The following ZNF827 variants were observed in gnomAD, a reference collection of about 807,000 sequenced individuals.
ZNF827 encodes zinc finger protein 827.
A neutral mutation model predicts 102.4 loss-of-function variants in ZNF827; 13 were observed. The ratio of observed to expected loss-of-function variants is 0.13; its 90% CI spans 0.08 to 0.20. The LOEUF (loss-of-function observed/expected upper bound fraction) is 0.20, where lower values mean the gene tolerates loss of function less well. ZNF827 is among the 10% of genes least tolerant of loss of function. The probability of loss-of-function intolerance (pLI) is 1.00; values close to 1 mark genes in which losing one functional copy is unlikely to be tolerated. For synonymous variants in ZNF827, 523 were observed against 536.2 expected (o/e 0.98, Z 0.34); for missense variants, 1,103 against 1,344.4 (o/e 0.82, Z 2.81).
At chr4:145,796,364 G>C (rs1253785915) in intron 8 of ZNF827, among the ~76,000 whole-genome samples, 1 of 152,206 alleles carries the variant, frequency 6.6e-6, no homozygotes, top group East Asian at 1.9e-4. Context: ...GGAAGGGTGA[G>C]AGTTTGGGGT....
chr4:145,938,748 G>A lies in ZNF827; in HGVS notation c.-341C>T. The A allele has an allele frequency of 3.8e-6, 1 of 263,376 alleles. No individual in the cohort carries two copies. The highest frequency in any genetic ancestry group is 7.3e-6 in the Non-Finnish European group (1 of 137,428). 16.3% of individuals were successfully genotyped at this position (263,376 alleles called of 1,614,324 possible). ...TCCTATGCTCGCGTGTGTGATGGGAGGTATAAATAAATGAGTGCCGGTGCG... is the reference window on the plus strand; with the variant it reads ...TCCTATGCTCGCGTGTGTGATGGGAAGTATAAATAAATGAGTGCCGGTGCG... On this transcript the variant is annotated 5_prime_UTR_variant, in exon 1 of 15. Transcript: ENST00000508784.
intron 11 of ZNF827, among the ~76,000 whole-genome samples, chr4:145,773,445 A>C (rs1366162718): frequency 3.3e-5 from 5 of 152,174 alleles, no homozygotes; most frequent in Non-Finnish European, 7.3e-5. Flanking sequence ...CACAACTGTC[A>C]GGGAAATTCC....
rs1393827912 is a variant in ZNF827 at position 145,849,372 on chromosome 4, C to T, written c.2171G>A (p.Ser724Asn). ...AGCCATTTTCACAGAGATATCCTGA[C>T]TGAAGAGGTTTCTCTCTGGGGGTAC... is the stretch of plus-strand genomic sequence containing the variant. Reference protein sequence around the residue: ...GRVPPERNLFSQDISVKMASE... With the variant: ...GRVPPERNLFNQDISVKMASE... Residue 724 changes from serine (S) to asparagine (N), a missense_variant, in exon 6 of 15, where the codon AGT (serine) becomes AAT (asparagine). Physicochemically the swap from Ser to Asn is conservative, Grantham distance 46. Transcript: ENST00000508784. The T allele has an allele frequency of 6.2e-7, 1 of 1,614,004 alleles. No homozygotes were observed. Among genetic ancestry groups the T allele is most frequent in the East Asian group, 2.2e-5 (1 of 44,890 alleles).
intron 1 of ZNF827, among the ~76,000 whole-genome samples, chr4:145,938,111 C>A: frequency 6.9e-6 from 1 of 144,994 alleles, no homozygotes; most frequent in Non-Finnish European, 1.5e-5. Context: ...AGCCCGATCT[C>A]AAGGAAAAAA....
intron 7 of ZNF827, among the ~76,000 whole-genome samples, chr4:145,837,263 A>G (rs1004678890): frequency 6.6e-6 from 1 of 152,200 alleles, no homozygotes; most frequent in Admixed American, 6.5e-5. Flanking sequence ...AGAATGGACT[A>G]AAGTAAAGGT....
At chr4:145,820,937 TG>T (rs528235442) in intron 8 of ZNF827, among the ~76,000 whole-genome samples, 51 of 152,374 alleles carry the variant, frequency 3.3e-4, no homozygotes, top group African/African-American at 9.9e-4. Context: ...GTAGCTTCAG[TG>T]TTCTTGCTCC....
At chr4:145,783,743 C>G (rs1056934693) in intron 8 of ZNF827, among the ~76,000 whole-genome samples, 2 of 152,318 alleles carry the variant, frequency 1.3e-5, no homozygotes, top group African/African-American at 4.8e-5. Flanking sequence ...GGCTGGGACT[C>G]TGGCAGCCAT....
At chr4:145,767,297 T>C (rs563355742) in intron 11 of ZNF827, among the ~76,000 whole-genome samples, 1 of 152,114 alleles carries the variant, frequency 6.6e-6, no homozygotes, top group African/African-American at 2.4e-5. Flanking sequence ...GAGGAAAAGA[T>C]GAGTAAACCT....
At chr4:145,830,573 TTC>T (rs1241605425) in intron 7 of ZNF827, 1 of 152,172 alleles carries the variant, frequency 6.6e-6, no homozygotes, top group Admixed American at 6.5e-5. Context: ...TTTAGTGATT[TTC>T]TTTTTCTCAA....
At chr4:145,811,184 C>T (rs868865829) in intron 8 of ZNF827, among the ~76,000 whole-genome samples, 2 of 151,970 alleles carry the variant, frequency 1.3e-5, no homozygotes, top group African/African-American at 2.4e-5. Context: ...TTTGTAGAGA[C>T]GGGGTTTCAC....
At chr4:145,919,711 C>T (rs1752924329) in intron 1 of ZNF827, among the ~76,000 whole-genome samples, 1 of 152,192 alleles carries the variant, frequency 6.6e-6, no homozygotes, top group Non-Finnish European at 1.5e-5. Flanking sequence ...CTCTCTCTCC[C>T]ATACATGGTG....
rs146909461 is a variant in ZNF827, at chr4:145,807,806, A to C, written c.2383+15616T>G. Among the ~76,000 whole-genome samples the C allele has an allele frequency of 4.0e-3, 610 of 151,892 alleles. 2 individuals carry two copies. The highest frequency in any genetic ancestry group is 0.014 in the African/African-American group (560 of 41,466). Reference sequence around the variant, plus strand: ...AAAAAACAAAAAACAAAAACAAAAAAAAAACAAAAAACAAAAAACATTAAT... The same window carrying C: ...AAAAAACAAAAAACAAAAACAAAAACAAAACAAAAAACAAAAAACATTAAT... On this transcript the variant is annotated intron_variant, in intron 8 of 14. Transcript: ENST00000508784.
At chr4:145,927,188 A>G (rs1335102540) in intron 1 of ZNF827, among the ~76,000 whole-genome samples, 1 of 152,166 alleles carries the variant, frequency 6.6e-6, no homozygotes, top group Non-Finnish European at 1.5e-5. Context: ...ACAAGTGCAG[A>G]TTAGAAAACG....
chr4:145,903,208 A>G lies in ZNF827; in HGVS notation c.51T>C (p.Ser17=), dbSNP rs1426527450. ...GCTCTCCCTCCGCCTCTTCCTGCCT[A>G]CTAACATCTGGGGAGAATTAAGAAG... ...EQPKRLPSHV[S]RQEEAEGELS... The change falls in exon 2 of 15, where the codon AGT becomes AGC. Residue 17 remains serine, a synonymous_variant. Coordinates refer to ENST00000508784, the MANE Select transcript of ZNF827 (RefSeq NM_001306215.2). The G allele has an allele frequency of 1.2e-6, 2 of 1,607,588 alleles. No homozygotes were observed. Among genetic ancestry groups the G allele is most frequent in the Non-Finnish European group, 1.7e-6 (2 of 1,175,616 alleles).
chr4:145,856,246 C>T (rs991545530), intron 5 of ZNF827, among the ~76,000 whole-genome samples: 2 of 152,148 alleles, frequency 1.3e-5, no homozygotes, highest in African/African-American at 4.8e-5. Flanking sequence ...TCTGTCCTCT[C>T]GGTCCCCCAA....
At chr4:145,814,188 A>T (rs1742335557) in intron 8 of ZNF827, among the ~76,000 whole-genome samples, 1 of 152,192 alleles carries the variant, frequency 6.6e-6, no homozygotes, top group Admixed American at 6.5e-5. Flanking sequence ...ATCTAGATAT[A>T]AAAAAATCTA....
At chr4:145,818,523 C>G (rs1276250239) in intron 8 of ZNF827, among the ~76,000 whole-genome samples, 1 of 152,208 alleles carries the variant, frequency 6.6e-6, no homozygotes, top group East Asian at 1.9e-4. Context: ...CAAAGGAGCT[C>G]AAGTTACAAA....
At chr4:145,840,739 T>C (rs190029792) in intron 7 of ZNF827, among the ~76,000 whole-genome samples, 1 of 152,264 alleles carries the variant, frequency 6.6e-6, no homozygotes, top group Admixed American at 6.5e-5. Context: ...ATTGTGCGAA[T>C]TGAGGCAACA....
intron 1 of ZNF827, among the ~76,000 whole-genome samples, chr4:145,934,165 C>T (rs768693824): frequency 9.9e-5 from 15 of 152,068 alleles, no homozygotes; most frequent in South Asian, 2.1e-4. Flanking sequence ...GGCTGTATCT[C>T]GTGTAATAAT....
Sources: gnomAD v4.1 joint callset for allele counts (sites outside exome capture counted in the v4.1 genomes callset) on GRCh38, gnomAD v4.1.1 for gene constraint, MANE v1.5 for transcripts, NCBI Gene and HGNC (gene_info 2026-07-23, HGNC 2026-07-21) for gene names.